The following DGKG variants were observed in gnomAD, a reference collection of about 807,000 sequenced individuals.
DGKG encodes diacylglycerol kinase gamma.
A neutral mutation model predicts 105.3 loss-of-function variants in DGKG; 78 were observed. That is an observed-to-expected ratio of 0.74 (90% CI 0.62 to 0.89). DGKG has a LOEUF of 0.89. DGKG is among the 40% of genes least tolerant of loss of function. The probability of loss-of-function intolerance (pLI) is 0.00; values close to 1 mark genes in which losing one functional copy is unlikely to be tolerated. For missense variants in DGKG, 958 were observed against 1,020.1 expected (o/e 0.94, Z 0.83); for synonymous variants, 346 against 367.1 (o/e 0.94, Z 0.66).
chr3:186,258,036 T>G (rs764909663), intron 16 of DGKG, 97 bp from the exon 17 acceptor site: 2 of 874,536 alleles, frequency 2.3e-6, no homozygotes, highest in Non-Finnish European at 3.8e-6. Context: ...CCCAGGAGTA[T>G]GTTAAGACCT....
intron 6 of DGKG, among the ~76,000 whole-genome samples, chr3:186,285,165 T>C (rs1389007639): frequency 6.6e-6 from 1 of 152,226 alleles, no homozygotes; most frequent in Non-Finnish European, 1.5e-5. Context: ...GAGCTCAGCT[T>C]CCTTATCTAT....
chr3:186,200,251 C>G (rs912271213), intron 21 of DGKG, among the ~76,000 whole-genome samples: 2 of 152,252 alleles, frequency 1.3e-5, no homozygotes, highest in African/African-American at 2.4e-5. Flanking sequence ...GGAGGATGCT[C>G]TGTGTGCCCC....
chr3:186,202,965 CA>C (rs1234049918), intron 21 of DGKG, among the ~76,000 whole-genome samples: 1 of 151,844 alleles, frequency 6.6e-6, no homozygotes, highest in African/African-American at 2.4e-5. Flanking sequence ...TCACAAAGAA[CA>C]AAAGAAATGG....
At chr3:186,307,489 T>A (rs1724303963) in intron 2 of DGKG, among the ~76,000 whole-genome samples, 1 of 152,212 alleles carries the variant, frequency 6.6e-6, no homozygotes, top group South Asian at 2.1e-4. Context: ...AAAGTCTTCC[T>A]TTGCACCAGT....
intron 22 of DGKG, among the ~76,000 whole-genome samples, chr3:186,171,535 C>T (rs1716818823): frequency 6.6e-6 from 1 of 152,140 alleles, no homozygotes; most frequent in Admixed American, 6.5e-5. Context: ...CTTATAATAC[C>T]TAACACAATG....
rs112587867 is a variant in DGKG at position 186,341,148 on chromosome 3, A to G, written c.-248-20441T>C. 1.6e-4 allele frequency among the ~76,000 whole-genome samples: 25 copies of G among 152,332 alleles called. 1 individual carries two copies. Among genetic ancestry groups the G allele is most frequent in the African/African-American group, 6.0e-4 (25 of 41,580 alleles). On this transcript the variant is annotated intron_variant, in intron 1 of 24. Coordinates refer to ENST00000265022, the MANE Select transcript of DGKG (RefSeq NM_001346.3). ...GCGAGACTGTGAAGGACTTGGGAAT[A>G]GGGATAATGTTGTCATTGTTCTTTC...
chr3:186,307,106 T>A, intron 2 of DGKG, 129 bp from the exon 3 acceptor site: 1 of 666,944 alleles, frequency 1.5e-6, no homozygotes, highest in Admixed American at 2.5e-5. Context: ...TGGAGAAATG[T>A]CACCCTCTTC....
chr3:186,305,162 GT>G (rs1484128381), intron 3 of DGKG, among the ~76,000 whole-genome samples: 1 of 152,186 alleles, frequency 6.6e-6, no homozygotes, highest in African/African-American at 2.4e-5. Flanking sequence ...ATTATATAGT[GT>G]GACAGGTGGT....
Position 186,284,542 on chromosome 3 carries a change from C to T in DGKG, c.594+118G>A, listed in dbSNP as rs1722973545. ...CTAGTCGGATTTCCTCAGCCTGCAT[C>T]GAGACATTGCTATTACTACAAAGAC... On this transcript the variant is annotated intron_variant, in intron 7 of 24. Coordinates refer to ENST00000265022, the MANE Select transcript of DGKG (RefSeq NM_001346.3). The surrounding 1 kb of genome is among the most constrained non-coding windows in gnomAD (Gnocchi z 4.0). 3.4e-6 allele frequency: 3 copies of T among 882,988 alleles called. No individual in the cohort carries two copies. The highest frequency in any genetic ancestry group is 1.8e-5 in the Admixed American group (1 of 54,372). 54.7% of individuals were successfully genotyped at this position (882,988 alleles called of 1,614,324 possible).
chr3:186,248,891 C>T (rs1209758145), intron 19 of DGKG, among the ~76,000 whole-genome samples: 1 of 152,174 alleles, frequency 6.6e-6, no homozygotes, highest in African/African-American at 2.4e-5. Flanking sequence ...CCTCCACTGG[C>T]AGGGAAACTA....
chr3:186,235,208 C>G (rs112605359), intron 20 of DGKG, among the ~76,000 whole-genome samples: 1 of 152,048 alleles, frequency 6.6e-6, no homozygotes, highest in African/African-American at 2.4e-5. Flanking sequence ...TTCTTGAGCA[C>G]AAAACATAAG....
chr3:186,335,932 T>C (rs1018803904), intron 1 of DGKG, among the ~76,000 whole-genome samples: 5 of 152,230 alleles, frequency 3.3e-5, no homozygotes, highest in African/African-American at 1.2e-4. Flanking sequence ...TCTAAAATAT[T>C]AAACTATACA....
intron 15 of DGKG, 65 bp from the exon 16 acceptor site, chr3:186,260,578 G>A (rs1721721983): frequency 7.8e-7 from 1 of 1,275,720 alleles, no homozygotes; most frequent in Non-Finnish European, 1.1e-6. Flanking sequence ...ATCGTGAGAA[G>A]TCACATTAGG....
intron 1 of DGKG, among the ~76,000 whole-genome samples, chr3:186,353,700 CTA>C (rs199833585): frequency 1.3e-4 from 14 of 108,094 alleles, no homozygotes; most frequent in Non-Finnish European, 1.3e-4. Flanking sequence ...ATATCTATAT[CTA>C]TATAACAGTG....
intron 21 of DGKG, among the ~76,000 whole-genome samples, chr3:186,199,523 AT>A (rs1399114411): frequency 6.6e-6 from 1 of 151,604 alleles, no homozygotes; most frequent in East Asian, 1.9e-4. Context: ...ATTCCCATTT[AT>A]TTTTTTGAGA....
chr3:186,198,154 G>A (rs1718275790), intron 21 of DGKG, among the ~76,000 whole-genome samples: 1 of 152,208 alleles, frequency 6.6e-6, no homozygotes, highest in Non-Finnish European at 1.5e-5. Flanking sequence ...TGGAAACCCA[G>A]GTGTTCTTTG....
chr3:186,179,674 C>G (rs528663821), intron 22 of DGKG, among the ~76,000 whole-genome samples: 1 of 152,342 alleles, frequency 6.6e-6, no homozygotes, highest in Non-Finnish European at 1.5e-5. Flanking sequence ...AAAAACATAC[C>G]TGCCCTAACC....
At chr3:186,154,473 G>A (rs987437427) in intron 24 of DGKG, among the ~76,000 whole-genome samples, 1 of 151,770 alleles carries the variant, frequency 6.6e-6, no homozygotes, top group Non-Finnish European at 1.5e-5. Context: ...GTGAAATCCC[G>A]TCTCTACTAA....
At chr3:186,332,557 C>A (rs1421123281) in intron 1 of DGKG, among the ~76,000 whole-genome samples, 1 of 152,116 alleles carries the variant, frequency 6.6e-6, no homozygotes, top group Admixed American at 6.5e-5. Flanking sequence ...CCCAGAGCAC[C>A]AAGCACAAGT....
Sources: gnomAD v4.1 joint callset for allele counts (sites outside exome capture counted in the v4.1 genomes callset) on GRCh38, gnomAD v4.1.1 for gene constraint, Gnocchi (gnomAD v3.1) non-coding constraint, MANE v1.5 for transcripts, NCBI Gene and HGNC (gene_info 2026-07-23, HGNC 2026-07-21) for gene names.